LMBR1: variants seen among roughly 807,000 people sequenced by gnomAD.
LMBR1 encodes limb development membrane protein 1.
Under a neutral mutation model 73.9 loss-of-function variants are expected in LMBR1, and 52 were observed. That is an observed-to-expected ratio of 0.70 (90% confidence interval 0.56 to 0.89). LMBR1 has a LOEUF of 0.89. Among genes scored for constraint, LMBR1 ranks in the 40% least tolerant of loss-of-function variants. The pLI is 0.00. For synonymous variants in LMBR1, 215 were observed against 209.4 expected (o/e 1.03, Z -0.23); for missense variants, 539 against 579.8 (o/e 0.93, Z 0.72).
chr7:156,687,808 G>C (rs973707281), intron 16 of LMBR1, among the ~76,000 whole-genome samples: 1 of 152,140 alleles, frequency 6.6e-6, no homozygotes, highest in African/African-American at 2.4e-5. Context: ...TATTTCCGTT[G>C]ATCTTCACAA....
chr7:156,794,279 T>C (rs1563375503), intron 5 of LMBR1, among the ~76,000 whole-genome samples: 3 of 152,194 alleles, frequency 2.0e-5, no homozygotes, highest in African/African-American at 7.2e-5. Flanking sequence ...TAATCATGTA[T>C]AAAAAGACTA....
At chr7:156,793,038 A>G (rs1829500840) in intron 5 of LMBR1, among the ~76,000 whole-genome samples, 1 of 152,220 alleles carries the variant, frequency 6.6e-6, no homozygotes, top group Non-Finnish European at 1.5e-5. Flanking sequence ...TTCAGCAACT[A>G]TATGTGTCAA....
At chr7:156,796,638 G>T in intron 4 of LMBR1, 146 bp from the exon 5 acceptor site, 1 of 454,596 alleles carries the variant, frequency 2.2e-6, no homozygotes, top group Non-Finnish European at 3.9e-6. Flanking sequence ...ATTATAGTAT[G>T]TATTTATTTA....
At chr7:156,707,823 C>A (rs768836134) in intron 15 of LMBR1, among the ~76,000 whole-genome samples, 2 of 152,088 alleles carry the variant, frequency 1.3e-5, no homozygotes, top group Non-Finnish European at 2.9e-5. Context: ...AGAGTACTGA[C>A]AGTTCTAGCC....
intron 9 of LMBR1, among the ~76,000 whole-genome samples, chr7:156,755,564 T>C (rs1416525151): frequency 6.6e-6 from 1 of 152,330 alleles, no homozygotes; most frequent in East Asian, 1.9e-4. Flanking sequence ...ATAAGACAAA[T>C]TTATTATAAT....
chr7:156,746,564 GTAAT>G (rs1819891365), intron 9 of LMBR1, among the ~76,000 whole-genome samples: 1 of 152,132 alleles, frequency 6.6e-6, no homozygotes, highest in Admixed American at 6.5e-5. Context: ...CACACAATAG[GTAAT>G]TAATAAATAC....
rs186752582 is a variant in LMBR1 at position 156,841,164 on chromosome 7, C to A, written c.67-4279G>T. ...GATTTGCTAGAATAAATATAAGGTT[C>A]TTTGCCTGAGAAACTGGAAAGACAG... On this transcript the variant is annotated intron_variant, in intron 1 of 16. Coordinates refer to ENST00000353442, the MANE Select transcript of LMBR1 (RefSeq NM_022458.4). 3.3e-5 allele frequency among the ~76,000 whole-genome samples: 5 copies of A among 152,024 alleles called. No individual in the cohort carries two copies. In the East Asian group the frequency reaches 7.7e-4, roughly 24 times the overall value.
At chr7:156,720,355 A>G (rs574126391) in intron 15 of LMBR1, among the ~76,000 whole-genome samples, 1 of 152,378 alleles carries the variant, frequency 6.6e-6, no homozygotes, top group South Asian at 2.1e-4. Context: ...AATTTAAAGT[A>G]GCTGAATATC....
At position 156,790,747 on chromosome 7, in the gene LMBR1, T is replaced by C. The variant is rs994441186; in HGVS notation, c.423+5642A>G. Among the ~76,000 whole-genome samples the C allele has an allele frequency of 3.9e-5, 6 of 152,148 alleles. No individual in the cohort carries two copies. In the East Asian group the frequency reaches 9.6e-4, roughly 24 times the overall value. On this transcript the variant is annotated intron_variant, in intron 5 of 16. Coordinates refer to ENST00000353442, the MANE Select transcript of LMBR1 (RefSeq NM_022458.4). ...TAATGTCATTTCCTGAACTAAATGA[T>C]TTTCAATTCAAAATTTTTATAACCT... is the stretch of plus-strand genomic sequence containing the variant.
intron 15 of LMBR1, among the ~76,000 whole-genome samples, chr7:156,699,903 C>T (rs1182354861): frequency 1.3e-5 from 2 of 152,180 alleles, no homozygotes; most frequent in African/African-American, 2.4e-5. Flanking sequence ...CAGGAAACAA[C>T]AGGTGCTGGA....
chr7:156,676,121 C>A, downstream of LMBR1: 1 of 876,108 alleles, frequency 1.1e-6, no homozygotes, highest in Non-Finnish European at 1.7e-6. Context: ...TCCTCATGGG[C>A]TTTAGGGTGA....
intron 1 of LMBR1, among the ~76,000 whole-genome samples, chr7:156,868,952 A>G (rs769122030): frequency 8.5e-5 from 13 of 152,328 alleles, no homozygotes; most frequent in Middle Eastern, 6.8e-3. Flanking sequence ...GTAACAAAGT[A>G]AGACCCTGTC....
At chr7:156,688,972 T>C (rs1806565343) in intron 15 of LMBR1, among the ~76,000 whole-genome samples, 1 of 152,164 alleles carries the variant, frequency 6.6e-6, no homozygotes, top group Non-Finnish European at 1.5e-5. Flanking sequence ...GTTTAATGCT[T>C]ATAGGCTTGT....
intron 1 of LMBR1, among the ~76,000 whole-genome samples, chr7:156,852,570 C>T (rs557767671): frequency 7.9e-5 from 12 of 152,270 alleles, no homozygotes; most frequent in African/African-American, 2.2e-4. Context: ...TGGAGTTTTA[C>T]GTTATTTGGA....
At chr7:156,794,479 G>A (rs75084703) in intron 5 of LMBR1, among the ~76,000 whole-genome samples, 1 of 151,956 alleles carries the variant, frequency 6.6e-6, no homozygotes, top group Admixed American at 6.6e-5. Context: ...GGAGATTGTT[G>A]CTAATTCTTC....
intron 15 of LMBR1, among the ~76,000 whole-genome samples, chr7:156,693,107 C>CAT (rs1341898390): frequency 6.6e-6 from 1 of 151,858 alleles, no homozygotes; most frequent in Non-Finnish European, 1.5e-5. Context: ...ATCAATGAAC[C>CAT]ATGAATTAAT....
chr7:156,854,928 A>G (rs550226205), intron 1 of LMBR1, among the ~76,000 whole-genome samples: 1 of 152,350 alleles, frequency 6.6e-6, no homozygotes, highest in Admixed American at 6.5e-5. Context: ...TAGCTACTTC[A>G]AACAGTAAGC....
chr7:156,818,417 T>C (rs192596957), intron 4 of LMBR1, among the ~76,000 whole-genome samples: 1 of 152,346 alleles, frequency 6.6e-6, no homozygotes, highest in Non-Finnish European at 1.5e-5. Flanking sequence ...TCTCTGGTCA[T>C]AAGTGAGTGG....
At chr7:156,755,618 TAA>T (rs2132793251) in intron 9 of LMBR1, among the ~76,000 whole-genome samples, 1 of 152,352 alleles carries the variant, frequency 6.6e-6, no homozygotes, top group African/African-American at 2.4e-5. Flanking sequence ...CATTGTTGAC[TAA>T]AGTTTATAAC....
Sources: gnomAD v4.1 joint callset for allele counts (sites outside exome capture counted in the v4.1 genomes callset) on GRCh38, gnomAD v4.1.1 for gene constraint, MANE v1.5 for transcripts, NCBI Gene and HGNC (gene_info 2026-07-23, HGNC 2026-07-21) for gene names.